KIF13A: variants seen among roughly 807,000 people sequenced by gnomAD.
The protein encoded by KIF13A is kinesin-like protein KIF13A.
KIF13A carries 79 observed loss-of-function variants against 212.2 expected under a neutral mutation model. The ratio of observed to expected loss-of-function variants is 0.37; its 90% CI spans 0.31 to 0.45. The LOEUF (loss-of-function observed/expected upper bound fraction) is 0.45, where lower values mean the gene tolerates loss of function less well. Among genes scored for constraint, KIF13A ranks in the 20% least tolerant of loss-of-function variants. KIF13A has a pLI of 1.00. For missense variants in KIF13A, 1,901 were observed against 2,209.0 expected, an observed-to-expected ratio of 0.86 and a Z score of 2.79; for synonymous variants, 789 against 808.6, an observed-to-expected ratio of 0.98 and a Z score of 0.41.
In KIF13A at chr6:17,771,806, G is replaced by T; in HGVS notation, c.4476+102C>A. 1 of 1,051,282 alleles carries T rather than the reference G, an allele frequency of 9.5e-7. No homozygotes were observed. Among genetic ancestry groups the T allele is most frequent in the Non-Finnish European group, 1.4e-6 (1 of 698,588 alleles). The allele number at this position is 1,051,282 out of a possible 1,614,324, so 65.1% of individuals were successfully genotyped here. ...ACGGGAACCATGGAGTGATGACCGT[G>T]CATGTCCACATGCAGCACTCAGCTT... On this transcript the variant is annotated intron_variant, in intron 37 of 38. Coordinates refer to ENST00000259711, the MANE Select transcript of KIF13A (RefSeq NM_022113.6). The surrounding 1 kb of genome is among the most constrained non-coding windows in gnomAD (Gnocchi z 5.4).
chr6:17,815,886 ATCTTT>A (rs1266966096), intron 17 of KIF13A, among the ~76,000 whole-genome samples: 2 of 147,892 alleles, frequency 1.4e-5, no homozygotes, highest in African/African-American at 4.9e-5. Context: ...AAAGTCATAA[ATCTTT>A]TCTTTTAGTC....
At position 17,899,866 on chromosome 6, in the gene KIF13A, G is replaced by C. The variant is rs1404487545; in HGVS notation, c.147-1686C>G. Among the ~76,000 whole-genome samples the C allele has an allele frequency of 3.3e-5, 5 of 152,154 alleles. No individual in the cohort carries two copies. Among genetic ancestry groups the C allele is most frequent in the African/African-American group, 4.8e-5 (2 of 41,438 alleles). ...TGTTTTTAATTCTAAGGAAGTCATG[G>C]ATTTCCATTCTGTACAAAAAACTTG... On this transcript the variant is annotated intron_variant, in intron 2 of 38. Transcript: ENST00000259711. The surrounding 1 kb of genome is among the most constrained non-coding windows in gnomAD (Gnocchi z 5.2).
In KIF13A at chr6:17,825,822, A is replaced by T; in HGVS notation, c.1732T>A (p.Tyr578Asn). ...TCCATCTGTGCAAATTCATAGTTATAGTCTGGTTCAGAGGAAGCCTCACTG... is the reference window on the plus strand; with the variant it reads ...TCCATCTGTGCAAATTCATAGTTATTGTCTGGTTCAGAGGAAGCCTCACTG... ...AASEASSEPDYNYEFAQMEVI... is the reference protein window; with the variant it reads ...AASEASSEPDNNYEFAQMEVI... Residue 578 changes from tyrosine to asparagine, a missense_variant, in exon 16 of 39, where the codon TAT (tyrosine) becomes AAT (asparagine). Tyr to Asn is a moderately radical substitution (Grantham distance 143, BLOSUM62 -2). Transcript: ENST00000259711. This position sits in a 1 kb window ranked among gnomAD's most constrained non-coding sequence, Gnocchi z 4.5. 1 of 1,613,968 alleles carries T rather than the reference A, an allele frequency of 6.2e-7. No homozygotes were observed. Among genetic ancestry groups the T allele is most frequent in the East Asian group, 2.2e-5 (1 of 44,876 alleles).
chr6:17,780,669 G>A lies in KIF13A; in HGVS notation c.3846+61C>T, dbSNP rs1345534499. The A allele has an allele frequency of 9.3e-6, 14 of 1,504,504 alleles. No homozygotes were observed. In the East Asian group the frequency reaches 2.7e-4, roughly 29 times the overall value. The allele number at this position is 1,504,504 out of a possible 1,614,324, so 93.2% of individuals were successfully genotyped here. A position where few individuals can be genotyped will look rare whatever the true frequency, so the allele number is the denominator to read the frequency against. On this transcript the variant is annotated intron_variant, in intron 31 of 38. Transcript: ENST00000259711. ...CACCAAAAAACACTGCTTTGTGATAGAGAGAGGGAAAAATCTTTTGAGCTC... is the reference window on the plus strand; with the variant it reads ...CACCAAAAAACACTGCTTTGTGATAAAGAGAGGGAAAAATCTTTTGAGCTC...
intron 22 of KIF13A, among the ~76,000 whole-genome samples, chr6:17,797,891 T>A (rs115599857): frequency 6.6e-6 from 1 of 152,216 alleles, no homozygotes; most frequent in Non-Finnish European, 1.5e-5. Context: ...GAGTGAGACA[T>A]CGTCTTTAAA....
intron 17 of KIF13A, among the ~76,000 whole-genome samples, chr6:17,810,921 T>G (rs1763377641): frequency 6.6e-6 from 1 of 152,192 alleles, no homozygotes; most frequent in Admixed American, 6.5e-5. Flanking sequence ...ACTATTCACC[T>G]CCTGCTGTGC....
At chr6:17,780,482 T>G (rs563184355) in intron 31 of KIF13A, among the ~76,000 whole-genome samples, 2 of 152,352 alleles carry the variant, frequency 1.3e-5, no homozygotes, top group Admixed American at 6.5e-5. Flanking sequence ...CAGTGAAATA[T>G]CACAGCTCCA....
Position 17,866,826 on chromosome 6 carries a change from CGCATATATATATATAT to C in KIF13A, c.220+6535_220+6550del, listed in dbSNP as rs1261541262. On this transcript the variant is annotated intron_variant, in intron 4 of 38. Transcript: ENST00000259711. ...AGTAAAGGGGAGAACAAAAAAGCAG[CGCATATATATATATAT>C]ATATATATATATATATATATATATA... Among the ~76,000 whole-genome samples, 1,155 of 122,110 alleles carry C rather than the reference CGCATATATATATATAT, an allele frequency of 9.5e-3. 51 individuals carry two copies. The highest frequency in any genetic ancestry group is 0.032 in the African/African-American group (935 of 29,416). 80.1% of individuals were successfully genotyped at this position (122,110 alleles called of 152,430 possible).
In KIF13A at chr6:17,984,295, A is replaced by G. The variant is rs1781359945; in HGVS notation, c.146+2759T>C. Among the ~76,000 whole-genome samples, 2 of 152,202 alleles carry G rather than the reference A, an allele frequency of 1.3e-5. No homozygotes were observed. The highest frequency in any genetic ancestry group is 2.9e-5 in the Non-Finnish European group (2 of 68,030). On this transcript the variant is annotated intron_variant, in intron 2 of 38. Coordinates refer to ENST00000259711, the MANE Select transcript of KIF13A (RefSeq NM_022113.6). This position sits in a 1 kb window ranked among gnomAD's most constrained non-coding sequence, Gnocchi z 5.0. ...GTACTGGATCCACAAGTATCTTTGA[A>G]TCCCCTATGCTGAGCATGGTACTGA...
In KIF13A at chr6:17,779,249, ATATATATATTTTTTTTTTTTTTTTTTTT is replaced by A. The variant is rs1458093708; in HGVS notation, c.3940-178_3940-151del. On this transcript the variant is annotated intron_variant, in intron 32 of 38. Transcript: ENST00000259711. ...TTTTTAAAGTAGCATATATATATATATATATATATTTTTTTTTTTTTTTTTTTTTTTTTTTTTTTGAGACAGAGTTTCG... is the reference window on the plus strand; with the variant it reads ...TTTTTAAAGTAGCATATATATATATATTTTTTTTTTTGAGACAGAGTTTCG... 2.5e-3 allele frequency: 57 copies of A among 22,868 alleles called. 1 individual carries two copies. Among genetic ancestry groups the A allele is most frequent in the South Asian group, 0.011 (5 of 464 alleles). The allele number at this position is 22,868 out of a possible 1,614,324, so 1.4% of individuals were successfully genotyped here.
chr6:17,796,178 A>G (rs893649441), intron 23 of KIF13A, among the ~76,000 whole-genome samples: 3 of 140,096 alleles, frequency 2.1e-5, no homozygotes, highest in Non-Finnish European at 4.7e-5. Flanking sequence ...CAAAGCCTGT[A>G]TTCTTTTTTT....
chr6:17,931,134 A>C (rs1484380868), intron 2 of KIF13A, among the ~76,000 whole-genome samples: 4 of 152,210 alleles, frequency 2.6e-5, no homozygotes, highest in African/African-American at 9.7e-5. Context: ...AAACTGTGAG[A>C]GCTTTCACAT....
intron 35 of KIF13A, among the ~76,000 whole-genome samples, chr6:17,774,655 C>A (rs542593226): frequency 6.6e-6 from 1 of 152,142 alleles, no homozygotes; most frequent in African/African-American, 2.4e-5. Flanking sequence ...TGACTATAAT[C>A]CCAGCTACTC....
chr6:17,975,067 G>T (rs73373191), intron 2 of KIF13A, among the ~76,000 whole-genome samples: 1 of 152,118 alleles, frequency 6.6e-6, no homozygotes, highest in African/African-American at 2.4e-5. Flanking sequence ...TTCCCAGCTG[G>T]GCGCAGTGGT....
Position 17,849,191 on chromosome 6 carries a change from C to T in KIF13A, c.830+186G>A, listed in dbSNP as rs1767388656. Among the ~76,000 whole-genome samples the T allele has an allele frequency of 6.6e-6, 1 of 152,210 alleles. No individual in the cohort carries two copies. The highest frequency in any genetic ancestry group is 2.1e-4 in the South Asian group (1 of 4,834). ...GTACTGGGATTACAGGCATGAGCCA[C>T]CGTGCCTGGCCAAAAACCTCATACA... On this transcript the variant is annotated intron_variant, in intron 9 of 38. Coordinates refer to ENST00000259711, the MANE Select transcript of KIF13A (RefSeq NM_022113.6). This position sits in a 1 kb window ranked among gnomAD's most constrained non-coding sequence, Gnocchi z 5.7.
At chr6:17,854,101 T>C (rs981810821) in intron 6 of KIF13A, among the ~76,000 whole-genome samples, 5 of 152,192 alleles carry the variant, frequency 3.3e-5, no homozygotes, top group African/African-American at 1.2e-4. Context: ...GTCACTTCCT[T>C]GTCACTCATA....
At position 17,892,941 on chromosome 6, in the gene KIF13A, A is replaced by G. The variant is rs1772194024; in HGVS notation, c.159+5227T>C. Among the ~76,000 whole-genome samples the G allele has an allele frequency of 6.6e-6, 1 of 152,092 alleles. No homozygotes were observed. Among genetic ancestry groups the G allele is most frequent in the Non-Finnish European group, 1.5e-5 (1 of 68,006 alleles). On this transcript the variant is annotated intron_variant, in intron 3 of 38. Coordinates refer to ENST00000259711, the MANE Select transcript of KIF13A (RefSeq NM_022113.6). The surrounding 1 kb of genome is among the most constrained non-coding windows in gnomAD (Gnocchi z 4.7). ...CAAATTATGGAACCTGAGGAGGGGGACACGGGAACTCTTGATTTATAGCCG... is the reference window on the plus strand; with the variant it reads ...CAAATTATGGAACCTGAGGAGGGGGGCACGGGAACTCTTGATTTATAGCCG...
intron 2 of KIF13A, among the ~76,000 whole-genome samples, chr6:17,928,986 CA>C (rs1775730221): frequency 7.5e-6 from 1 of 133,884 alleles, no homozygotes; most frequent in African/African-American, 2.8e-5. Context: ...CACAAGATTA[CA>C]AACAATTTGA....
rs558965946 is a variant in KIF13A at position 17,910,220 on chromosome 6, C to T, written c.147-12040G>A. On this transcript the variant is annotated intron_variant, in intron 2 of 38. Transcript: ENST00000259711. The stretch of plus-strand genomic sequence containing the variant: ...ATTTTAAAATGTGCATTTACTTTCT[C>T]AATTTGATAAGTAGTGGGTATTACC... 1.2e-4 allele frequency among the ~76,000 whole-genome samples: 18 copies of T among 152,286 alleles called. No individual in the cohort carries two copies. The South Asian group carries it at 3.7e-3, about 32-fold the overall frequency.
Sources: gnomAD v4.1 joint callset for allele counts (sites outside exome capture counted in the v4.1 genomes callset) on GRCh38, gnomAD v4.1.1 for gene constraint, Gnocchi (gnomAD v3.1) non-coding constraint, MANE v1.5 for transcripts, NCBI Gene and HGNC (gene_info 2026-07-23, HGNC 2026-07-21) for gene names.